VPS13B: variants seen among roughly 807,000 people sequenced by gnomAD.
VPS13B encodes the protein vacuolar protein sorting 13 homolog B.
Under a neutral mutation model 426.4 loss-of-function variants are expected in VPS13B, and 285 were observed. The observed-to-expected ratio is 0.67, with a 90% CI of 0.61 to 0.74. The LOEUF is 0.74. Among genes scored for constraint, VPS13B ranks in the 30% least tolerant of loss-of-function variants. The probability of loss-of-function intolerance (pLI) is 0.00; values close to 1 mark genes in which losing one functional copy is unlikely to be tolerated. For synonymous variants in VPS13B, 1,676 were observed against 1,676.4 expected, an observed-to-expected ratio of 1.00 and a Z score of 0.01; for missense variants, 4,537 against 4,782.6, an observed-to-expected ratio of 0.95 and a Z score of 1.51.
chr8:99,183,566 G>C (rs1157863541), intron 16 of VPS13B, among the ~76,000 whole-genome samples: 1 of 152,006 alleles, frequency 6.6e-6, no homozygotes, highest in African/African-American at 2.4e-5. Flanking sequence ...GTGTAGCATC[G>C]AATAGTATCT....
intron 41 of VPS13B, 128 bp from the exon 42 acceptor site, chr8:99,778,554 A>T (rs1811855388): frequency 1.2e-6 from 1 of 842,974 alleles, no homozygotes. Flanking sequence ...AATAATTTGA[A>T]TTTATTAAAC....
Position 99,832,630 on chromosome 8 carries a change from C to A in VPS13B, c.9592C>A (p.Arg3198=), listed in dbSNP as rs149842139. Residue 3198 remains arginine, a synonymous_variant, in exon 52 of 62, where the codon CGG becomes AGG. Coordinates refer to ENST00000357162, the MANE Select transcript of VPS13B (RefSeq NM_152564.5). ...QSVAVPLGNF[R]ENGFCTRAIV... is the part of the protein sequence containing the mutation. Reference sequence around the variant, plus strand: ...TGTGGCAGTACCCCTCGGGAATTTCCGGGAAAATGGATTCTGTACCAGGTA... The same window carrying A: ...TGTGGCAGTACCCCTCGGGAATTTCAGGGAAAATGGATTCTGTACCAGGTA... 3 of 1,613,548 alleles carry A rather than the reference C, an allele frequency of 1.9e-6. No homozygotes were observed. The African/African-American group carries it at 4.0e-5, about 22-fold the overall frequency.
At chr8:99,661,578 T>C (rs1033560576) in intron 35 of VPS13B, 87 bp downstream of exon 35, 4 of 1,496,636 alleles carry the variant, frequency 2.7e-6, no homozygotes, top group East Asian at 2.3e-5. Context: ...AATCTTGACA[T>C]TCCGTGCAAA....
intron 19 of VPS13B, among the ~76,000 whole-genome samples, chr8:99,361,268 G>A (rs1440261701): frequency 3.3e-5 from 5 of 152,172 alleles, no homozygotes; most frequent in Non-Finnish European, 7.4e-5. Context: ...TAGGTGTTCA[G>A]TGCCTCTCAG....
intron 19 of VPS13B, among the ~76,000 whole-genome samples, chr8:99,308,802 G>A (rs1225591158): frequency 6.6e-6 from 1 of 152,190 alleles, no homozygotes; most frequent in Non-Finnish European, 1.5e-5. Flanking sequence ...CACCAACAGT[G>A]TAAAAGTGTT....
intron 33 of VPS13B, among the ~76,000 whole-genome samples, chr8:99,598,490 T>C (rs1165146175): frequency 6.6e-6 from 1 of 152,042 alleles, no homozygotes; most frequent in Non-Finnish European, 1.5e-5. Flanking sequence ...CAAGTAATCA[T>C]CTTATTAAGT....
intron 21 of VPS13B, among the ~76,000 whole-genome samples, chr8:99,400,402 A>G (rs1814969729): frequency 6.6e-6 from 1 of 152,250 alleles, no homozygotes; most frequent in Non-Finnish European, 1.5e-5. Context: ...ATTAGAACAA[A>G]TACAGAAAAC....
intron 35 of VPS13B, among the ~76,000 whole-genome samples, chr8:99,673,326 G>A (rs1216134098): frequency 6.6e-6 from 1 of 151,948 alleles, no homozygotes; most frequent in Middle Eastern, 3.4e-3. Flanking sequence ...GGTTTGTTCA[G>A]GTTTTCTGTT....
intron 54 of VPS13B, among the ~76,000 whole-genome samples, chr8:99,843,669 G>T (rs922233833): frequency 6.6e-6 from 1 of 152,224 alleles, no homozygotes; most frequent in Non-Finnish European, 1.5e-5. Flanking sequence ...ATATTGTGGG[G>T]TCTATACCCT....
In VPS13B at chr8:99,419,250, G is replaced by T. The variant is rs185317067; in HGVS notation, c.3083-12287G>T. Among the ~76,000 whole-genome samples, 578 of 152,290 alleles carry T rather than the reference G, an allele frequency of 3.8e-3. 4 individuals are homozygous for T. Among genetic ancestry groups the T allele is most frequent in the Admixed American group, 6.0e-3 (92 of 15,290 alleles). On this transcript the variant is annotated intron_variant, in intron 21 of 61. Coordinates refer to ENST00000357162, the MANE Select transcript of VPS13B (RefSeq NM_152564.5). The stretch of plus-strand genomic sequence containing the variant: ...CTCTTTCCTGCCACCATGTGAAGAA[G>T]GTCCTTGCTTCCCCTTCACCTTCCA...
intron 33 of VPS13B, among the ~76,000 whole-genome samples, chr8:99,636,102 A>G (rs1829056233): frequency 1.3e-5 from 2 of 151,998 alleles, no homozygotes; most frequent in Admixed American, 6.6e-5. Flanking sequence ...TTTCCTAGCT[A>G]TTGAAAACTG....
intron 35 of VPS13B, among the ~76,000 whole-genome samples, chr8:99,681,008 AAT>A (rs1831133190): frequency 6.6e-6 from 1 of 152,234 alleles, no homozygotes; most frequent in Non-Finnish European, 1.5e-5. Context: ...TAAGTTAAAA[AAT>A]ACCAGACACT....
At chr8:99,028,593 G>A (rs1183578922) in intron 2 of VPS13B, among the ~76,000 whole-genome samples, 1 of 122,158 alleles carries the variant, frequency 8.2e-6, no homozygotes, top group Non-Finnish European at 1.8e-5. Flanking sequence ...CCCCCCTCCC[G>A]GACGGGGCAG....
At chr8:99,690,483 A>G (rs1831609334) in intron 35 of VPS13B, among the ~76,000 whole-genome samples, 1 of 152,220 alleles carries the variant, frequency 6.6e-6, no homozygotes, top group South Asian at 2.1e-4. Flanking sequence ...GTGCTGCAAA[A>G]AAGTGAAGAT....
At chr8:99,770,644 A>C (rs1033249687) in intron 40 of VPS13B, among the ~76,000 whole-genome samples, 1 of 152,182 alleles carries the variant, frequency 6.6e-6, no homozygotes, top group Non-Finnish European at 1.5e-5. Context: ...GAACACAGCT[A>C]ATGTACAGAG....
Position 99,556,585 on chromosome 8 carries a change from A to G in VPS13B, c.4881A>G (p.Ser1627=), listed in dbSNP as rs2133764883. 3 of 1,613,256 alleles carry G rather than the reference A, an allele frequency of 1.9e-6. No homozygotes were observed. The highest frequency in any genetic ancestry group is 2.2e-5 in the South Asian group (2 of 91,070). ...TAAAACCAGAGAAGGAAAGTGTCTC[A>G]GGAGGGGTGGTAACAGAGACTGAAA... ...HQLKPEKESV[S]GGVVTETERN... The change falls in exon 31 of 62, where the codon TCA becomes TCG. Residue 1627 remains serine, a synonymous_variant. Transcript: ENST00000357162.
At chr8:99,860,440 ATC>A in intron 57 of VPS13B, among the ~76,000 whole-genome samples, 1 of 152,188 alleles carries the variant, frequency 6.6e-6, no homozygotes, top group Non-Finnish European at 1.5e-5. Flanking sequence ...TGACACTGGA[ATC>A]TCTGTGGTTC....
chr8:99,033,415 T>C lies in VPS13B; in HGVS notation c.148-5008T>C, dbSNP rs565868450. ...TCCCTGGCTTTCTGCAGTTTGACTATGATATATTTGGATTTGAATTCACTG... is the reference window on the plus strand; with the variant it reads ...TCCCTGGCTTTCTGCAGTTTGACTACGATATATTTGGATTTGAATTCACTG... On this transcript the variant is annotated intron_variant, in intron 2 of 61. Coordinates refer to ENST00000357162, the MANE Select transcript of VPS13B (RefSeq NM_152564.5). Among the ~76,000 whole-genome samples, 7 of 152,326 alleles carry C rather than the reference T, an allele frequency of 4.6e-5. No individual in the cohort carries two copies. In the East Asian group the frequency reaches 1.2e-3, roughly 25 times the overall value.
chr8:99,335,294 C>CT, intron 19 of VPS13B, among the ~76,000 whole-genome samples: 1 of 151,940 alleles, frequency 6.6e-6, no homozygotes, highest in African/African-American at 2.4e-5. Context: ...TTTGTTGATC[C>CT]TATCAAAAAA....
Sources: gnomAD v4.1 joint callset for allele counts (sites outside exome capture counted in the v4.1 genomes callset) on GRCh38, gnomAD v4.1.1 for gene constraint, MANE v1.5 for transcripts, NCBI Gene and HGNC (gene_info 2026-07-23, HGNC 2026-07-21) for gene names.